The following PIGK variants were observed in gnomAD, a reference collection of about 807,000 sequenced individuals.
PIGK encodes the protein GPI-anchor transamidase.
Under a neutral mutation model 50.6 loss-of-function variants are expected in PIGK, and 42 were observed. The observed-to-expected ratio is 0.83, with a 90% CI of 0.65 to 1.07. The LOEUF (loss-of-function observed/expected upper bound fraction) is 1.07. Ranked by LOEUF, PIGK falls within the 50% of genes least tolerant of loss-of-function variation. The pLI is 0.00. For synonymous variants in PIGK, 151 were observed against 156.0 expected (o/e 0.97, Z 0.24); for missense variants, 448 against 488.7 (o/e 0.92, Z 0.78).
At chr1:77,200,243 G>A (rs994430071) in intron 3 of PIGK, among the ~76,000 whole-genome samples, 4 of 151,908 alleles carry the variant, frequency 2.6e-5, no homozygotes, top group South Asian at 2.1e-4. Flanking sequence ...ACAGAAGCAC[G>A]TACCATAGCT....
intron 3 of PIGK, among the ~76,000 whole-genome samples, chr1:77,179,605 T>G (rs752597224): frequency 6.6e-6 from 1 of 152,144 alleles, no homozygotes; most frequent in Non-Finnish European, 1.5e-5. Flanking sequence ...CTTTTTTTTC[T>G]CTATAAATAT....
At chr1:77,182,414 G>T (rs995885595) in intron 3 of PIGK, among the ~76,000 whole-genome samples, 33 of 152,014 alleles carry the variant, frequency 2.2e-4, no homozygotes, top group African/African-American at 8.0e-4. Context: ...TTAAGGGTGG[G>T]TCTGCCTTTC....
chr1:77,191,026 C>T (rs1251748832), intron 3 of PIGK, among the ~76,000 whole-genome samples: 1 of 152,218 alleles, frequency 6.6e-6, no homozygotes, highest in Non-Finnish European at 1.5e-5. Flanking sequence ...AGTTCTCCAT[C>T]TCTTTCTTCC....
At chr1:77,144,207 T>A (rs553040180) in intron 9 of PIGK, among the ~76,000 whole-genome samples, 1 of 152,122 alleles carries the variant, frequency 6.6e-6, no homozygotes, top group East Asian at 1.9e-4. Flanking sequence ...TCATTTAGAA[T>A]GGTAAGATTT....
At chr1:77,193,370 G>A (rs959608316) in intron 3 of PIGK, among the ~76,000 whole-genome samples, 1 of 151,882 alleles carries the variant, frequency 6.6e-6, no homozygotes, top group African/African-American at 2.4e-5. Context: ...CCACCTTTGC[G>A]TAGAAGTTAC....
intron 9 of PIGK, among the ~76,000 whole-genome samples, chr1:77,135,242 T>C (rs1654472757): frequency 6.6e-6 from 1 of 152,100 alleles, no homozygotes; most frequent in Non-Finnish European, 1.5e-5. Context: ...GTTTTTTAAA[T>C]ATGTAAATTT....
At chr1:77,179,269 G>A (rs577969670) in intron 3 of PIGK, among the ~76,000 whole-genome samples, 1 of 152,294 alleles carries the variant, frequency 6.6e-6, no homozygotes, top group African/African-American at 2.4e-5. Context: ...TGACATTAAT[G>A]ATTAAAGTTT....
intron 8 of PIGK, among the ~76,000 whole-genome samples, chr1:77,159,041 C>T (rs1396975608): frequency 1.3e-5 from 2 of 152,180 alleles, no homozygotes; most frequent in Non-Finnish European, 2.9e-5. Flanking sequence ...CCTCCCATCA[C>T]AGGCCCTGAG....
chr1:77,199,712 C>CTAA (rs1656118161), intron 3 of PIGK, among the ~76,000 whole-genome samples: 1 of 151,842 alleles, frequency 6.6e-6, no homozygotes, highest in Non-Finnish European at 1.5e-5. Context: ...AACAAAGGAA[C>CTAA]AAAAGATATT....
chr1:77,175,886 G>A (rs1378743439), intron 3 of PIGK, among the ~76,000 whole-genome samples: 1 of 152,100 alleles, frequency 6.6e-6, no homozygotes, highest in Non-Finnish European at 1.5e-5. Context: ...AACTGATTAA[G>A]ATTGATAAAT....
At chr1:77,201,399 T>C (rs1412533173) in intron 3 of PIGK, among the ~76,000 whole-genome samples, 1 of 152,186 alleles carries the variant, frequency 6.6e-6, no homozygotes, top group African/African-American at 2.4e-5. Flanking sequence ...AATAAATCAA[T>C]TGAAGTGCCC....
At chr1:77,164,354 C>T (rs557421354) in intron 5 of PIGK, among the ~76,000 whole-genome samples, 82 of 152,254 alleles carry the variant, frequency 5.4e-4, no homozygotes, top group African/African-American at 1.8e-3. Context: ...TATTTGTATG[C>T]AATCTAGAGG....
In PIGK at chr1:77,169,278, C is replaced by A; in HGVS notation, c.357G>T (p.Val119=). The change falls in exon 4 of 11, where the codon GTG becomes GTT. Residue 119 remains valine (V), a synonymous_variant. Transcript: ENST00000370812. ...ELNVYGDDVE[V]DYRSYEVTVE... is the part of the protein sequence containing the mutation. ...AATTTACCTCGTAACTTCTATAATC[C>A]ACTTCCACATCATCTCCATACACAT... is the stretch of plus-strand genomic sequence containing the variant. 6.4e-7 allele frequency: 1 copy of A among 1,563,680 alleles called. No homozygotes were observed. Among genetic ancestry groups the A allele is most frequent in the Non-Finnish European group, 8.7e-7 (1 of 1,154,506 alleles).
intron 1 of PIGK, among the ~76,000 whole-genome samples, chr1:77,215,698 G>C (rs1295974258): frequency 6.6e-6 from 1 of 152,104 alleles, no homozygotes; most frequent in Non-Finnish European, 1.5e-5. Flanking sequence ...AATGGATAAA[G>C]CAAATGTGTG....
intron 10 of PIGK, among the ~76,000 whole-genome samples, chr1:77,116,570 G>C (rs1400456350): frequency 2.7e-5 from 3 of 111,760 alleles, no homozygotes; most frequent in Admixed American, 8.8e-5. Context: ...CTCTGTGTGT[G>C]TGTGTGTGTG....
At chr1:77,098,343 T>G (rs1653468566) in intron 10 of PIGK, among the ~76,000 whole-genome samples, 1 of 152,126 alleles carries the variant, frequency 6.6e-6, no homozygotes, top group South Asian at 2.1e-4. Flanking sequence ...GGAAATTTTT[T>G]TTTTTTTGAG....
chr1:77,108,920 G>T (rs920374392), intron 10 of PIGK, among the ~76,000 whole-genome samples: 2 of 152,080 alleles, frequency 1.3e-5, no homozygotes, highest in Non-Finnish European at 2.9e-5. Flanking sequence ...CGTAGTTCTT[G>T]TGCCATGGTT....
chr1:77,100,978 A>G (rs902914482), intron 10 of PIGK, among the ~76,000 whole-genome samples: 1 of 152,208 alleles, frequency 6.6e-6, no homozygotes, highest in Non-Finnish European at 1.5e-5. Context: ...GAGACCCTGA[A>G]CAGAGGAACT....
intron 3 of PIGK, among the ~76,000 whole-genome samples, chr1:77,198,484 ACT>A (rs1656085083): frequency 6.6e-6 from 1 of 151,900 alleles, no homozygotes; most frequent in Middle Eastern, 3.2e-3. Context: ...AAGGATGAAA[ACT>A]CATTGTTTGA....
Sources: gnomAD v4.1 joint callset for allele counts (sites outside exome capture counted in the v4.1 genomes callset) on GRCh38, gnomAD v4.1.1 for gene constraint, MANE v1.5 for transcripts, NCBI Gene and HGNC (gene_info 2026-07-23, HGNC 2026-07-21) for gene names.